CHN2: variants seen among roughly 807,000 people sequenced by gnomAD.
CHN2 encodes chimerin 2.
A neutral mutation model predicts 56.3 loss-of-function variants in CHN2; 35 were observed. That is an observed-to-expected ratio of 0.62 (90% CI 0.47 to 0.82). CHN2 has a LOEUF of 0.82. CHN2 is among the 40% of genes least tolerant of loss of function. The pLI is 0.00. For missense variants in CHN2, 491 were observed against 580.5 expected (o/e 0.85, Z 1.58); for synonymous variants, 210 against 212.8 (o/e 0.99, Z 0.12).
intron 1 of CHN2, among the ~76,000 whole-genome samples, chr7:29,257,248 G>T (rs1413238374): frequency 6.6e-6 from 1 of 152,102 alleles, no homozygotes; most frequent in African/African-American, 2.4e-5. Flanking sequence ...GTCCATCCTA[G>T]CCCTGGTTTC....
intron 1 of CHN2, among the ~76,000 whole-genome samples, chr7:29,302,562 A>G (rs184585854): frequency 2.3e-4 from 34 of 145,516 alleles, no homozygotes; most frequent in Non-Finnish European, 3.1e-4. Flanking sequence ...GCTGGTCTCA[A>G]ACTCTTGGGC....
intron 1 of CHN2, among the ~76,000 whole-genome samples, chr7:29,329,034 A>G (rs1796012985): frequency 6.6e-6 from 1 of 152,180 alleles, no homozygotes; most frequent in South Asian, 2.1e-4. Context: ...TAAAAGGGCC[A>G]CATGGAATCC....
At chr7:29,503,948 A>G (rs1271978229) in intron 9 of CHN2, among the ~76,000 whole-genome samples, 2 of 152,184 alleles carry the variant, frequency 1.3e-5, no homozygotes, top group Non-Finnish European at 2.9e-5. Flanking sequence ...ACAAATCAAT[A>G]AGCTCCAGGG....
At position 29,146,669 on chromosome 7, in the gene CHN2, C is replaced by T. The variant is rs1027551012; in HGVS notation, c.86C>T (p.Ser29Phe). ...ACCTGGCCGCATCAAGTCAGCGCTT[C>T]CCATGCTGGAAGAAGCAAGCAGCCC... Residue 29 changes from serine to phenylalanine, a missense_variant, in exon 1 of 7, where the codon TCC becomes TTC. Ser to Phe is a radical substitution (Grantham distance 155). Transcript: ENST00000439384. The T allele has an allele frequency of 4.5e-5, 70 of 1,550,518 alleles. No individual in the cohort carries two copies. In the African/African-American group the frequency reaches 8.4e-4, roughly 18 times the overall value.
chr7:29,398,496 A>T lies in CHN2; in HGVS notation c.290+10A>T. The T allele has an allele frequency of 1.9e-6, 3 of 1,559,264 alleles. No individual in the cohort carries two copies. The highest frequency in any genetic ancestry group is 2.7e-6 in the Non-Finnish European group (3 of 1,131,848). On this transcript the variant is annotated intron_variant, in intron 5 of 12. Coordinates refer to ENST00000222792, the MANE Select transcript of CHN2 (RefSeq NM_004067.4). ...ACACGCTGGCTCTCAGGTGAGGCGC[A>T]TTTCATTCCTTGTTTTCATTGCTGT... is the stretch of plus-strand genomic sequence containing the variant.
chr7:29,367,906 C>G (rs549229323), intron 2 of CHN2, 26 bp from the exon 3 acceptor site: 1 of 1,474,676 alleles, frequency 6.8e-7, no homozygotes, highest in East Asian at 2.4e-5. Context: ...AATTATTTCT[C>G]TCTCTCTCTC....
At chr7:29,284,476 G>A (rs10227460) in intron 1 of CHN2, among the ~76,000 whole-genome samples, 7 of 152,186 alleles carry the variant, frequency 4.6e-5, no homozygotes, top group African/African-American at 1.7e-4. Flanking sequence ...TGACCCTGAA[G>A]AACCAAACAG....
intron 1 of CHN2, among the ~76,000 whole-genome samples, chr7:29,300,156 C>T (rs1793540999): frequency 6.6e-6 from 1 of 152,254 alleles, no homozygotes; most frequent in African/African-American, 2.4e-5. Context: ...CTAGCAGGAG[C>T]TGCCAGATTA....
chr7:29,377,361 A>G (rs1358396556), intron 3 of CHN2, among the ~76,000 whole-genome samples: 2 of 152,204 alleles, frequency 1.3e-5, no homozygotes. Context: ...ATGTTCATTC[A>G]TATTCAGCAT....
At chr7:29,417,588 T>C (rs1302375213) in intron 6 of CHN2, among the ~76,000 whole-genome samples, 1 of 152,194 alleles carries the variant, frequency 6.6e-6, no homozygotes, top group East Asian at 1.9e-4. Context: ...CTAGAAGTTA[T>C]TTAGGTTGAA....
chr7:29,499,762 T>G (rs767163543), intron 8 of CHN2, 105 bp from the exon 9 acceptor site: 1 of 1,032,830 alleles, frequency 9.7e-7, no homozygotes, highest in Non-Finnish European at 1.4e-6. Flanking sequence ...CAGAGAAATA[T>G]GTCAAACCCT....
At chr7:29,285,206 C>G (rs1303584398) in intron 1 of CHN2, among the ~76,000 whole-genome samples, 1 of 152,226 alleles carries the variant, frequency 6.6e-6, no homozygotes, top group African/African-American at 2.4e-5. Context: ...GGAAAGTCTT[C>G]TGTGGCATTG....
chr7:29,459,523 G>A (rs1392160516), intron 6 of CHN2, among the ~76,000 whole-genome samples: 1 of 152,180 alleles, frequency 6.6e-6, no homozygotes, highest in African/African-American at 2.4e-5. Context: ...GTCAGGTGGA[G>A]AGCCCACAGT....
chr7:29,199,373 C>T (rs569022622), intron 1 of CHN2, among the ~76,000 whole-genome samples: 166 of 152,204 alleles, frequency 1.1e-3, no homozygotes, highest in African/African-American at 3.8e-3. Context: ...TCTTTTGGAC[C>T]TTTGGATTTT....
At chr7:29,156,747 A>G (rs1421346315) in intron 2 of CHN2, among the ~76,000 whole-genome samples, 1 of 152,250 alleles carries the variant, frequency 6.6e-6, no homozygotes, top group Non-Finnish European at 1.5e-5. Flanking sequence ...CACAAGCATT[A>G]TGCTAAATTA....
chr7:29,431,576 G>A (rs1391763159), intron 6 of CHN2, among the ~76,000 whole-genome samples: 1 of 152,190 alleles, frequency 6.6e-6, no homozygotes, highest in Non-Finnish European at 1.5e-5. Context: ...TGGTCCACTA[G>A]ACCCCTCTGA....
intron 1 of CHN2, among the ~76,000 whole-genome samples, chr7:29,345,239 G>T (rs1797337527): frequency 6.6e-6 from 1 of 152,216 alleles, no homozygotes; most frequent in African/African-American, 2.4e-5. Flanking sequence ...GGCTAAGGCT[G>T]ACCCACACAT....
Position 29,294,505 on chromosome 7 carries a change from G to GTGCC in CHN2, c.50-60114_50-60111dup. Among the ~76,000 whole-genome samples, 3 of 152,214 alleles carry GTGCC rather than the reference G, an allele frequency of 2.0e-5. No individual in the cohort carries two copies. The East Asian group carries it at 5.8e-4, about 29-fold the overall frequency. On this transcript the variant is annotated intron_variant, in intron 1 of 12. Coordinates refer to ENST00000222792, the MANE Select transcript of CHN2 (RefSeq NM_004067.4). ...ACTGTAAATTGGGCATATGTCCTTC[G>GTGCC]TGCCTGCCTTGTAACCGCAAGAAGA... is the stretch of plus-strand genomic sequence containing the variant.
chr7:29,191,697 A>G (rs933767810), upstream of CHN2: 5 of 152,274 alleles, frequency 3.3e-5, no homozygotes, highest in Admixed American at 3.3e-4. Flanking sequence ...TTAAAATTCT[A>G]CTTTCCAAAC....
Sources: allele counts gnomAD v4.1 joint callset (sites outside exome capture counted in the v4.1 genomes callset), GRCh38; gene constraint gnomAD v4.1.1; transcripts MANE v1.5; gene names NCBI Gene and HGNC (gene_info 2026-07-23, HGNC 2026-07-21).